Variants in TBC1D5 observed in about 807,000 individuals in gnomAD.
TBC1D5 encodes the protein TBC1 domain family member 5.
Under a neutral mutation model 100.3 loss-of-function variants are expected in TBC1D5, and 75 were observed. The observed-to-expected ratio is 0.75, with a 90% CI of 0.62 to 0.91. TBC1D5 has a LOEUF of 0.91. TBC1D5 is among the 40% of genes least tolerant of loss of function. The pLI is 0.00. For missense variants in TBC1D5, 910 were observed against 942.4 expected, an observed-to-expected ratio of 0.97 and a Z score of 0.45; for synonymous variants, 323 against 325.6, an observed-to-expected ratio of 0.99 and a Z score of 0.09.
chr3:17,326,053 T>C (rs1347618465), intron 13 of TBC1D5, among the ~76,000 whole-genome samples: 1 of 152,174 alleles, frequency 6.6e-6, no homozygotes, highest in East Asian at 1.9e-4. Flanking sequence ...ACTCATCTCA[T>C]AGAGCACTAA....
intron 4 of TBC1D5, among the ~76,000 whole-genome samples, chr3:17,411,771 T>G (rs888772398): frequency 6.6e-6 from 1 of 152,174 alleles, no homozygotes; most frequent in African/African-American, 2.4e-5. Flanking sequence ...AATAAGACCC[T>G]GTACCTTGAT....
chr3:17,728,903 T>C (rs2076329823), intron 1 of TBC1D5, among the ~76,000 whole-genome samples: 1 of 150,858 alleles, frequency 6.6e-6, no homozygotes, highest in Non-Finnish European at 1.5e-5. Context: ...GTAATAGTTC[T>C]TAATAAGAAT....
intron 15 of TBC1D5, among the ~76,000 whole-genome samples, chr3:17,268,192 T>C (rs975041503): frequency 6.6e-6 from 1 of 152,100 alleles, no homozygotes; most frequent in African/African-American, 2.4e-5. Flanking sequence ...ACACTAATCT[T>C]AGATGTGAAT....
Position 17,183,494 on chromosome 3 carries a change from T to C in TBC1D5, c.1852+1615A>G, listed in dbSNP as rs185675587. On this transcript the variant is annotated intron_variant, in intron 19 of 21. Coordinates refer to ENST00000253692, the Ensembl canonical transcript of TBC1D5. ...ATCATCAAGCAGCTTATTAAGAGAG[T>C]CTGTAAGAGGTGGATCAAATGTGAC... Among the ~76,000 whole-genome samples the C allele has an allele frequency of 7.9e-4, 120 of 152,150 alleles. 2 individuals carry two copies. In the East Asian group the frequency reaches 0.013, roughly 16 times the overall value.
chr3:17,621,258 C>T (rs1322662163), intron 2 of TBC1D5, among the ~76,000 whole-genome samples: 3 of 152,222 alleles, frequency 2.0e-5, no homozygotes, highest in Admixed American at 6.5e-5. Flanking sequence ...AATACAGATG[C>T]ATGTGTATAC....
chr3:17,298,079 A>T (rs1373843566), intron 14 of TBC1D5, among the ~76,000 whole-genome samples: 1 of 152,220 alleles, frequency 6.6e-6, no homozygotes, highest in East Asian at 1.9e-4. Flanking sequence ...GACTCTCTTA[A>T]TTTTAAATTG....
chr3:17,676,232 G>A (rs1284280704), intron 1 of TBC1D5, among the ~76,000 whole-genome samples: 1 of 152,100 alleles, frequency 6.6e-6, no homozygotes, highest in African/African-American at 2.4e-5. Context: ...TTGTACTGTT[G>A]TTATCTATTA....
At chr3:17,420,776 G>C (rs1284393793) in intron 4 of TBC1D5, among the ~76,000 whole-genome samples, 1 of 152,190 alleles carries the variant, frequency 6.6e-6, no homozygotes, top group African/African-American at 2.4e-5. Context: ...GCAGGAAACA[G>C]AAGTGTGTCC....
At chr3:17,391,464 A>G (rs2093349099) in intron 8 of TBC1D5, among the ~76,000 whole-genome samples, 1 of 152,076 alleles carries the variant, frequency 6.6e-6, no homozygotes, top group Non-Finnish European at 1.5e-5. Context: ...CAACCATGAC[A>G]TAATAATTAA....
chr3:17,665,730 C>T (rs1288565551), intron 1 of TBC1D5, among the ~76,000 whole-genome samples: 1 of 152,204 alleles, frequency 6.6e-6, no homozygotes, highest in Non-Finnish European at 1.5e-5. Flanking sequence ...TTTGTCTACA[C>T]TGAACTGCAT....
intron 13 of TBC1D5, among the ~76,000 whole-genome samples, chr3:17,369,605 T>A (rs1310880488): frequency 6.6e-6 from 1 of 152,070 alleles, no homozygotes; most frequent in East Asian, 1.9e-4. Context: ...TGCCTCAGAC[T>A]CCCGAGCAGG....
intron 8 of TBC1D5, among the ~76,000 whole-genome samples, chr3:17,397,242 G>A (rs910697432): frequency 6.6e-6 from 1 of 152,004 alleles, no homozygotes; most frequent in Non-Finnish European, 1.5e-5. Flanking sequence ...TTTAATTGAG[G>A]AGACAAAGTT....
chr3:17,319,923 C>T (rs927537945), intron 13 of TBC1D5, among the ~76,000 whole-genome samples: 2 of 152,032 alleles, frequency 1.3e-5, no homozygotes, highest in Non-Finnish European at 2.9e-5. Context: ...TTAAATTTAA[C>T]AATGATTGCT....
chr3:17,168,317 T>G (rs2066845323), intron 19 of TBC1D5, among the ~76,000 whole-genome samples: 1 of 152,120 alleles, frequency 6.6e-6, no homozygotes, highest in Non-Finnish European at 1.5e-5. Flanking sequence ...AACATAATAG[T>G]AAAAATGAGA....
At chr3:17,244,974 C>T (rs1049072888) in intron 16 of TBC1D5, among the ~76,000 whole-genome samples, 1 of 147,354 alleles carries the variant, frequency 6.8e-6, no homozygotes, top group South Asian at 2.2e-4. Context: ...CTGTTTAAGC[C>T]CAGGAGTTCA....
At position 17,515,099 on chromosome 3, in the gene TBC1D5, C is replaced by T. The variant is rs543811647; in HGVS notation, c.-35-6494G>A. ...AGAGAAAACAGAAATCATAATTTGG[C>T]GAATTATATTAAACTGATGATAATT... On this transcript the variant is annotated intron_variant, in intron 2 of 21. Transcript: ENST00000253692. 1.5e-4 allele frequency among the ~76,000 whole-genome samples: 23 copies of T among 151,804 alleles called. No individual in the cohort carries two copies. The South Asian group carries it at 4.2e-3, about 28-fold the overall frequency.
At chr3:17,362,537 T>C (rs113238232) in intron 13 of TBC1D5, among the ~76,000 whole-genome samples, 13,645 of 152,012 alleles carry the variant, frequency 0.09, 1,412 homozygotes, top group African/African-American at 0.25. Flanking sequence ...AGTGGCACCA[T>C]CTTGGCACAC....
chr3:17,413,962 G>C (rs940821458), intron 4 of TBC1D5, among the ~76,000 whole-genome samples: 1 of 152,184 alleles, frequency 6.6e-6, no homozygotes, highest in Admixed American at 6.5e-5. Flanking sequence ...GAGTGGTTAA[G>C]AGAAGGGATT....
exon 22 of TBC1D5, chr3:17,161,247 C>T (rs746003282): frequency 6.2e-7 from 1 of 1,610,760 alleles, no homozygotes; most frequent in African/African-American, 1.3e-5. Flanking sequence ...CCTGGCGTTT[C>T]TGAAGAGGCC....
Sources: allele counts gnomAD v4.1 joint callset (sites outside exome capture counted in the v4.1 genomes callset), GRCh38; gene constraint gnomAD v4.1.1; transcripts MANE v1.5; gene names NCBI Gene and HGNC (gene_info 2026-07-23, HGNC 2026-07-21).